The following SCEL variants were observed in gnomAD, a reference collection of about 807,000 sequenced individuals.
SCEL encodes sciellin.
In SCEL, 113 loss-of-function variants were observed where a neutral mutation model predicts 117.6. The ratio of observed to expected loss-of-function variants is 0.96; its 90% CI spans 0.83 to 1.12. The LOEUF is 1.12. Among genes scored for constraint, SCEL ranks in the 50% most tolerant of loss-of-function variants. The probability of loss-of-function intolerance (pLI) is 0.00; values close to 1 mark genes in which losing one functional copy is unlikely to be tolerated. For missense variants in SCEL, 785 were observed against 810.8 expected (o/e 0.97, Z 0.39); for synonymous variants, 270 against 256.2 (o/e 1.05, Z -0.51).
intron 24 of SCEL, among the ~76,000 whole-genome samples, chr13:77,617,389 C>T (rs1261952777): frequency 6.6e-6 from 1 of 152,042 alleles, no homozygotes; most frequent in African/African-American, 2.4e-5. Flanking sequence ...TGTAGATAGG[C>T]TCTGACAAGA....
chr13:77,591,508 T>C (rs1187466788), intron 11 of SCEL, 48 bp downstream of exon 11: 6 of 1,080,508 alleles, frequency 5.6e-6, no homozygotes, highest in Non-Finnish European at 8.4e-6. Flanking sequence ...AATGATAAAG[T>C]ATGCTTTCTC....
intron 16 of SCEL, 150 bp from the exon 17 acceptor site, chr13:77,602,504 G>A (rs2087780330): frequency 3.1e-6 from 2 of 647,694 alleles, no homozygotes; most frequent in East Asian, 2.5e-5. Context: ...AATTACTAAA[G>A]GTAAGTTAAG....
chr13:77,545,959 C>T (rs1490389509), intron 1 of SCEL, among the ~76,000 whole-genome samples: 1 of 152,226 alleles, frequency 6.6e-6, no homozygotes, highest in African/African-American at 2.4e-5. Flanking sequence ...AAACTATTAT[C>T]ACCTGTAAAT....
At chr13:77,628,227 C>A in intron 28 of SCEL, among the ~76,000 whole-genome samples, 1 of 149,116 alleles carries the variant, frequency 6.7e-6, no homozygotes, top group African/African-American at 2.5e-5. Context: ...TGCTTAATAG[C>A]TAATAGGGAA....
At chr13:77,619,137 T>C (rs1213604672) in intron 27 of SCEL, among the ~76,000 whole-genome samples, 1 of 152,092 alleles carries the variant, frequency 6.6e-6, no homozygotes, top group Non-Finnish European at 1.5e-5. Context: ...CAAAAAGAAA[T>C]TAACATATGA....
chr13:77,603,437 G>C (rs1174272745), intron 18 of SCEL, among the ~76,000 whole-genome samples: 1 of 152,194 alleles, frequency 6.6e-6, no homozygotes, highest in African/African-American at 2.4e-5. Context: ...AATTTTCAAA[G>C]TGTATTTCCA....
At chr13:77,584,394 C>T (rs1462351324) in intron 9 of SCEL, among the ~76,000 whole-genome samples, 10 of 152,174 alleles carry the variant, frequency 6.6e-5, no homozygotes, top group Admixed American at 5.9e-4. Context: ...GCTCCTGGCC[C>T]AGCAGGGGTG....
intron 5 of SCEL, among the ~76,000 whole-genome samples, chr13:77,564,941 T>C (rs1034077550): frequency 5.3e-5 from 8 of 152,222 alleles, no homozygotes; most frequent in Admixed American, 2.0e-4. Context: ...TTGTAGTATA[T>C]GTACAAGATC....
At chr13:77,624,262 C>A (rs551349465) in intron 27 of SCEL, among the ~76,000 whole-genome samples, 11 of 151,960 alleles carry the variant, frequency 7.2e-5, no homozygotes, top group Non-Finnish European at 1.5e-4. Flanking sequence ...CCTGCCACCA[C>A]GCTCAGCTAA....
At chr13:77,552,811 G>A in intron 1 of SCEL, among the ~76,000 whole-genome samples, 1 of 152,100 alleles carries the variant, frequency 6.6e-6, no homozygotes, top group African/African-American at 2.4e-5. Flanking sequence ...TTTCTTCTAG[G>A]GTTTTTATGG....
Position 77,587,800 on chromosome 13 carries a change from C to A in SCEL, c.546-1344C>A, listed in dbSNP as rs1261394029. Reference sequence around the variant, plus strand: ...TCATATTCTTGACCTCTAAATATTGCAGGGCCTGAAGGTCCAACCCCTGGC... The same window carrying A: ...TCATATTCTTGACCTCTAAATATTGAAGGGCCTGAAGGTCCAACCCCTGGC... On this transcript the variant is annotated intron_variant, in intron 9 of 32. Coordinates refer to ENST00000349847, the MANE Select transcript of SCEL (RefSeq NM_144777.3). Among the ~76,000 whole-genome samples the A allele has an allele frequency of 2.6e-5, 4 of 152,288 alleles. No homozygotes were observed. The East Asian group carries it at 7.7e-4, about 29-fold the overall frequency.
chr13:77,613,025 A>AT (rs1339228252), intron 23 of SCEL, 84 bp downstream of exon 23: 1 of 779,940 alleles, frequency 1.3e-6, no homozygotes, highest in Non-Finnish European at 2.1e-6. Flanking sequence ...AACTAAAGAC[A>AT]TTTTGAAAGG....
chr13:77,614,824 C>T (rs1189046030), intron 24 of SCEL, among the ~76,000 whole-genome samples: 1 of 152,052 alleles, frequency 6.6e-6, no homozygotes, highest in African/African-American at 2.4e-5. Context: ...ATCTCTTAGG[C>T]AGTGAATAAT....
intron 28 of SCEL, 111 bp from the exon 29 acceptor site, chr13:77,634,268 T>C: frequency 1.1e-6 from 1 of 926,680 alleles, no homozygotes; most frequent in East Asian, 2.6e-5. Context: ...AAAGTTATAG[T>C]TCAGAAGGAA....
chr13:77,597,025 G>C (rs1349584653), intron 12 of SCEL: 1 of 152,340 alleles, frequency 6.6e-6, no homozygotes, highest in Non-Finnish European at 1.5e-5. Context: ...CAGACTTACT[G>C]ATGAACAAAT....
intron 9 of SCEL, among the ~76,000 whole-genome samples, chr13:77,583,420 T>C (rs572449669): frequency 6.6e-6 from 1 of 152,234 alleles, no homozygotes; most frequent in Non-Finnish European, 1.5e-5. Context: ...ACCATTCTTT[T>C]GAACATGTGC....
chr13:77,608,409 G>A (rs1201032185), intron 20 of SCEL, among the ~76,000 whole-genome samples: 2 of 152,198 alleles, frequency 1.3e-5, no homozygotes, highest in East Asian at 3.8e-4. Context: ...AGTCCAGCCT[G>A]TCCAACATAG....
chr13:77,616,098 G>A (rs1055134040), intron 24 of SCEL, among the ~76,000 whole-genome samples: 1 of 150,640 alleles, frequency 6.6e-6, no homozygotes, highest in Non-Finnish European at 1.5e-5. Context: ...ATTTCTTATT[G>A]GGCTTTATGT....
intron 7 of SCEL, 100 bp from the exon 8 acceptor site, chr13:77,569,271 G>A (rs1009141166): frequency 4.6e-6 from 4 of 865,836 alleles, no homozygotes; most frequent in Admixed American, 2.2e-5. Context: ...TATGAACAGA[G>A]AGCAGGCAGG....
Sources: allele counts gnomAD v4.1 joint callset (sites outside exome capture counted in the v4.1 genomes callset), GRCh38; gene constraint gnomAD v4.1.1; transcripts MANE v1.5; gene names NCBI Gene and HGNC (gene_info 2026-07-23, HGNC 2026-07-21).